Variants in CEP83 observed in about 807,000 individuals in gnomAD.
CEP83 encodes the protein centrosomal protein of 83 kDa.
Under a neutral mutation model 101.9 loss-of-function variants are expected in CEP83, and 70 were observed. That is an observed-to-expected ratio of 0.69 (90% CI 0.57 to 0.84). The LOEUF (loss-of-function observed/expected upper bound fraction) is 0.84, where lower values mean the gene tolerates loss of function less well. CEP83 is among the 40% of genes least tolerant of loss of function. CEP83 has a pLI of 0.00. For missense variants in CEP83, 715 were observed against 787.2 expected (o/e 0.91, Z 1.10); for synonymous variants, 264 against 267.9 (o/e 0.99, Z 0.14).
chr12:94,430,338 T>G (rs1472600975), intron 2 of CEP83, among the ~76,000 whole-genome samples: 1 of 151,684 alleles, frequency 6.6e-6, no homozygotes, highest in African/African-American at 2.4e-5. Flanking sequence ...CTCAGTGAGA[T>G]ACAAGAGAAT....
downstream of CEP83, chr12:94,307,037 A>AAAAG (rs1191896504): frequency 6.6e-6 from 1 of 152,220 alleles, no homozygotes; most frequent in African/African-American, 2.4e-5. Context: ...AGAGTTGCCC[A>AAAAG]AAAGACTTCC....
the CEP83 span, chr12:94,298,859 A>T: frequency 7.0e-7 from 1 of 1,437,764 alleles, no homozygotes; most frequent in African/African-American, 1.4e-5. Flanking sequence ...ACTAAAAGAA[A>T]GACATAGATA....
intron 11 of CEP83, among the ~76,000 whole-genome samples, chr12:94,343,101 GTATATATATATAGAACTTCATATATA>G (rs1483782223): frequency 1.2e-4 from 18 of 149,840 alleles, no homozygotes; most frequent in East Asian, 9.8e-4. Flanking sequence ...GTGTGTGTAT[GTATATATATATAGAACTTCATATATA>G]TATATATATA....
intron 2 of CEP83, among the ~76,000 whole-genome samples, chr12:94,426,106 A>G (rs1402768486): frequency 2.0e-5 from 3 of 151,354 alleles, no homozygotes; most frequent in African/African-American, 7.3e-5. Context: ...TGGGTGACAG[A>G]GCGAAACTCC....
chr12:94,339,490 A>G (rs752575455), intron 11 of CEP83, among the ~76,000 whole-genome samples: 1 of 152,152 alleles, frequency 6.6e-6, no homozygotes, highest in African/African-American at 2.4e-5. Flanking sequence ...CTGAATTTTA[A>G]TTTTTTAAAA....
At chr12:94,341,215 C>A (rs1461788531) in intron 11 of CEP83, among the ~76,000 whole-genome samples, 1 of 151,090 alleles carries the variant, frequency 6.6e-6, no homozygotes, top group East Asian at 1.9e-4. Context: ...AAAAAAAAAA[C>A]ACTTTCATCA....
chr12:94,316,350 ATTAATT>A (rs1222839695), intron 14 of CEP83, among the ~76,000 whole-genome samples: 2 of 152,182 alleles, frequency 1.3e-5, no homozygotes, highest in East Asian at 1.9e-4. Flanking sequence ...AAAAATTCAT[ATTAATT>A]TTAATAGTTT....
chr12:94,331,587 T>C, intron 14 of CEP83, 113 bp downstream of exon 14: 1 of 841,496 alleles, frequency 1.2e-6, no homozygotes. Context: ...GCCAGGATGG[T>C]CTCAATGATC....
chr12:94,303,649 G>A (rs1016709152), downstream of CEP83: 31 of 958,686 alleles, frequency 3.2e-5, no homozygotes, highest in African/African-American at 3.3e-4. Flanking sequence ...AAACTGGTTG[G>A]TGGTGGGGGT....
chr12:94,306,661 G>T (rs1969051473), downstream of CEP83: 1 of 152,032 alleles, frequency 6.6e-6, no homozygotes, highest in African/African-American at 2.4e-5. Flanking sequence ...AAATAACATT[G>T]ATCACATATT....
chr12:94,310,031 G>A lies in CEP83; in HGVS notation c.1888C>T (p.Arg630Ter), dbSNP rs1207804224. 5.0e-6 allele frequency: 8 copies of A among 1,607,888 alleles called. No individual in the cohort carries two copies. The highest frequency in any genetic ancestry group is 2.2e-5 in the South Asian group (2 of 90,900). The change falls in exon 16 of 17, where the codon CGA (arginine) becomes TGA (stop). Residue 630 changes from arginine to a stop codon, truncating the protein, a stop_gained. Coordinates refer to ENST00000397809, the MANE Select transcript of CEP83 (RefSeq NM_016122.3). LOFTEE classifies it high-confidence loss of function. ...ATGTTAGGAACCAAAATTAGACTTC[G>A]AAATTCATTATGTCTTCTCTGTATA... ...KDIQRRHNEFRSLILVPNMPP... is the reference protein window; with the variant it reads ...KDIQRRHNEF
At chr12:94,279,645 TC>T in the CEP83 span, 12 of 1,614,066 alleles carry the variant, frequency 7.4e-6, no homozygotes, top group Non-Finnish European at 1.0e-5. Context: ...ATGAAATTGG[TC>T]TTGGTAAGGC....
the CEP83 span, among the ~76,000 whole-genome samples, chr12:94,290,495 A>AGCCAGCCCCT: frequency 5.9e-4 from 90 of 152,352 alleles, no homozygotes; most frequent in African/African-American, 2.0e-3. Context: ...TGATGGCCCC[A>AGCCAGCCCCT]GCCGGCCCCT....
intron 4 of CEP83, among the ~76,000 whole-genome samples, chr12:94,408,592 T>G (rs1374256280): frequency 6.6e-6 from 1 of 152,136 alleles, no homozygotes; most frequent in Non-Finnish European, 1.5e-5. Context: ...ACTAATACTT[T>G]TTTTTGAGTC....
chr12:94,429,305 T>C (rs1272697540), intron 2 of CEP83, among the ~76,000 whole-genome samples: 1 of 152,006 alleles, frequency 6.6e-6, no homozygotes, highest in Non-Finnish European at 1.5e-5. Flanking sequence ...ATACTTGCAA[T>C]CCTAGCCACA....
chr12:94,422,555 C>G (rs902827269), intron 2 of CEP83, among the ~76,000 whole-genome samples: 1 of 152,138 alleles, frequency 6.6e-6, no homozygotes, highest in Admixed American at 6.5e-5. Context: ...TCAAGAAAGC[C>G]TCAATTTCAT....
chr12:94,336,159 C>T lies in CEP83; in HGVS notation c.1344-495G>A, dbSNP rs933334590. 2.0e-5 allele frequency among the ~76,000 whole-genome samples: 3 copies of T among 152,258 alleles called. No homozygotes were observed. The East Asian group carries it at 5.8e-4, about 29-fold the overall frequency. On this transcript the variant is annotated intron_variant, in intron 11 of 16. Transcript: ENST00000397809. ...CAGATTTAAAAGAAAACTAATACAACACACCATCCTGTATTCTATAAAATA... is the reference window on the plus strand; with the variant it reads ...CAGATTTAAAAGAAAACTAATACAATACACCATCCTGTATTCTATAAAATA...
At chr12:94,328,058 C>A (rs2059044899) in intron 14 of CEP83, 1 of 158,146 alleles carries the variant, frequency 6.3e-6, no homozygotes, top group Admixed American at 6.5e-5. Context: ...AGATATTTTG[C>A]AACTTCAAGA....
At chr12:94,449,603 GAA>G (rs559626964) in intron 1 of CEP83, among the ~76,000 whole-genome samples, 30 of 114,018 alleles carry the variant, frequency 2.6e-4, no homozygotes, top group Admixed American at 3.6e-4. Flanking sequence ...AAAAAATACC[GAA>G]AAAAAAAAAA....
Sources: allele counts gnomAD v4.1 joint callset (sites outside exome capture counted in the v4.1 genomes callset), GRCh38; gene constraint gnomAD v4.1.1; transcripts MANE v1.5; gene names NCBI Gene and HGNC (gene_info 2026-07-23, HGNC 2026-07-21).